The following CDH4 variants were observed in gnomAD, a reference collection of about 807,000 sequenced individuals.
CDH4 encodes the protein cadherin 4.
Under a neutral mutation model 86.0 loss-of-function variants are expected in CDH4, and 33 were observed. The ratio of observed to expected loss-of-function variants is 0.38; its 90% CI spans 0.29 to 0.51. The LOEUF is 0.51. CDH4 is among the 20% of genes least tolerant of loss of function. CDH4 has a pLI of 0.86. For synonymous variants in CDH4, 555 were observed against 549.4 expected, an observed-to-expected ratio of 1.01 and a Z score of -0.14; for missense variants, 1,114 against 1,307.4, an observed-to-expected ratio of 0.85 and a Z score of 2.28.
intron 2 of CDH4, among the ~76,000 whole-genome samples, chr20:61,381,183 C>T (rs542482341): frequency 5.3e-5 from 8 of 152,216 alleles, no homozygotes; most frequent in East Asian, 3.9e-4. Context: ...CTCCTTAATG[C>T]GTCTTCCAAA....
chr20:61,766,674 G>A (rs1011858380), intron 3 of CDH4, among the ~76,000 whole-genome samples: 4 of 152,112 alleles, frequency 2.6e-5, no homozygotes, highest in Admixed American at 6.6e-5. Context: ...TGTTAACCTC[G>A]GAGCCTGTGA....
chr20:61,878,437 A>G (rs1984138030), intron 7 of CDH4, among the ~76,000 whole-genome samples: 1 of 152,218 alleles, frequency 6.6e-6, no homozygotes, highest in South Asian at 2.1e-4. Flanking sequence ...AAAGGTGTTC[A>G]TGTCATTTCC....
chr20:61,798,773 C>T (rs963991114), intron 4 of CDH4, among the ~76,000 whole-genome samples: 5 of 152,246 alleles, frequency 3.3e-5, no homozygotes, highest in Non-Finnish European at 7.3e-5. Flanking sequence ...GCAGCAGCCC[C>T]AGGTGCCAGT....
intron 2 of CDH4, among the ~76,000 whole-genome samples, chr20:61,596,824 C>T (rs2086560590): frequency 6.6e-6 from 1 of 152,206 alleles, no homozygotes; most frequent in South Asian, 2.1e-4. Flanking sequence ...TCTTCTGAAG[C>T]TGTTTTGTGC....
intron 2 of CDH4, among the ~76,000 whole-genome samples, chr20:61,552,211 TTTG>T (rs1435511016): frequency 3.3e-5 from 5 of 152,364 alleles, no homozygotes; most frequent in African/African-American, 1.2e-4. Flanking sequence ...ACAGAAAATA[TTTG>T]TTAATTGTAT....
chr20:61,441,225 C>T (rs566984517), intron 2 of CDH4, among the ~76,000 whole-genome samples: 3 of 152,324 alleles, frequency 2.0e-5, no homozygotes, highest in African/African-American at 4.8e-5. Context: ...ACTGTCCATT[C>T]TCTTGGAAGA....
rs118065912 is a variant in CDH4, at chr20:61,393,739, G to A, written c.169+138802G>A. The stretch of plus-strand genomic sequence containing the variant: ...TCAGGACAAGATATGTAGCTGGCAG[G>A]GTTCTCATGAGGATTACACGAGTCC... On this transcript the variant is annotated intron_variant, in intron 2 of 15. Transcript: ENST00000614565. The surrounding 1 kb of genome is among the most constrained non-coding windows in gnomAD (Gnocchi z 4.3). 2.8e-3 allele frequency among the ~76,000 whole-genome samples: 425 copies of A among 152,030 alleles called. No individual in the cohort carries two copies. Among genetic ancestry groups the A allele is most frequent in the Non-Finnish European group, 4.8e-3 (329 of 67,982 alleles).
At chr20:61,309,036 C>T (rs911097947) in intron 2 of CDH4, among the ~76,000 whole-genome samples, 3 of 152,240 alleles carry the variant, frequency 2.0e-5, no homozygotes, top group Non-Finnish European at 4.4e-5. Context: ...GGGCCCAGAA[C>T]ACAGTGAAAA....
intron 8 of CDH4, among the ~76,000 whole-genome samples, chr20:61,906,033 A>G (rs1354639538): frequency 2.6e-5 from 4 of 152,142 alleles, no homozygotes; most frequent in Non-Finnish European, 4.4e-5. Context: ...GCGGCTCCCA[A>G]CCAACCCAAC....
intron 9 of CDH4, among the ~76,000 whole-genome samples, chr20:61,921,753 A>G (rs1336604290): frequency 3.4e-4 from 2 of 5,846 alleles, no homozygotes; most frequent in Non-Finnish European, 7.6e-3. Flanking sequence ...TCTGTCAAAA[A>G]AAAAAAAAAA....
chr20:61,652,934 A>ATTTTTTT (rs1378064808), intron 2 of CDH4, among the ~76,000 whole-genome samples: 24 of 103,036 alleles, frequency 2.3e-4, no homozygotes, highest in African/African-American at 2.9e-4. Flanking sequence ...TTATTTATTT[A>ATTTTTTT]TTTATTTTTT....
chr20:61,605,653 A>C (rs950946788), intron 2 of CDH4, among the ~76,000 whole-genome samples: 6 of 148,812 alleles, frequency 4.0e-5, no homozygotes, highest in African/African-American at 1.5e-4. Flanking sequence ...CTCTGTCTCT[A>C]TCTCTGTCTT....
intron 8 of CDH4, among the ~76,000 whole-genome samples, chr20:61,900,552 G>A (rs2122889525): frequency 6.6e-6 from 1 of 152,280 alleles, no homozygotes; most frequent in African/African-American, 2.4e-5. Flanking sequence ...GGACCAACAG[G>A]ACACAGGCCC....
intron 6 of CDH4, among the ~76,000 whole-genome samples, chr20:61,865,720 C>G (rs928979138): frequency 6.7e-6 from 1 of 149,912 alleles, no homozygotes; most frequent in East Asian, 2.0e-4. Context: ...GGGTTAGTTT[C>G]CTGGACAGGT....
At chr20:61,344,274 G>C (rs980450680) in intron 2 of CDH4, among the ~76,000 whole-genome samples, 1 of 152,140 alleles carries the variant, frequency 6.6e-6, no homozygotes, top group South Asian at 2.1e-4. Context: ...GTAAGGCTTT[G>C]CTTCCACTGG....
chr20:61,653,172 A>G (rs1248714662), intron 2 of CDH4, among the ~76,000 whole-genome samples: 1 of 128,374 alleles, frequency 7.8e-6, no homozygotes, highest in Admixed American at 7.7e-5. Flanking sequence ...CATCTGTTTA[A>G]CAAAGCACAT....
chr20:61,838,012 CT>C (rs1199667059), intron 4 of CDH4, among the ~76,000 whole-genome samples: 1 of 152,056 alleles, frequency 6.6e-6, no homozygotes, highest in East Asian at 1.9e-4. Flanking sequence ...CCATCCCCAC[CT>C]TTCTCTGCCT....
chr20:61,565,173 T>TGGTGGTGGTA (rs1173521966), intron 2 of CDH4, among the ~76,000 whole-genome samples: 1 of 79,160 alleles, frequency 1.3e-5, no homozygotes, highest in Non-Finnish European at 2.3e-5. Context: ...GGTGATGGGG[T>TGGTGGTGGTA]GGTGGTGGTG....
In CDH4 at chr20:61,383,498, TTA is replaced by T. The variant is rs1162470626; in HGVS notation, c.169+128567_169+128568del. ...ATATATATGATATATATGAAATATA[TTA>T]TATATGATATATATGAATATGTATG... On this transcript the variant is annotated intron_variant, in intron 2 of 15. Coordinates refer to ENST00000614565, the MANE Select transcript of CDH4 (RefSeq NM_001794.5). Among the ~76,000 whole-genome samples, 9 of 59,770 alleles carry T rather than the reference TTA, an allele frequency of 1.5e-4. 3 individuals carry two copies. Among genetic ancestry groups the T allele is most frequent in the African/African-American group, 6.0e-4 (7 of 11,710 alleles). The allele number at this position is 59,770 out of a possible 152,430, so 39.2% of individuals were successfully genotyped here. A position where few individuals can be genotyped will look rare whatever the true frequency, so the allele number is the denominator to read the frequency against.
Sources: gnomAD v4.1 joint callset for allele counts (sites outside exome capture counted in the v4.1 genomes callset) on GRCh38, gnomAD v4.1.1 for gene constraint, Gnocchi (gnomAD v3.1) non-coding constraint, MANE v1.5 for transcripts, NCBI Gene and HGNC (gene_info 2026-07-23, HGNC 2026-07-21) for gene names.